TNS3: variants seen among roughly 807,000 people sequenced by gnomAD.
TNS3 encodes tensin 3.
TNS3 carries 45 observed loss-of-function variants against 140.9 expected under a neutral mutation model. That is an observed-to-expected ratio of 0.32 (90% CI 0.25 to 0.41). The LOEUF is 0.41. TNS3 is among the 10% of genes least tolerant of loss of function. The pLI is 1.00. For synonymous variants in TNS3, 815 were observed against 788.4 expected (o/e 1.03, Z -0.56); for missense variants, 1,716 against 1,906.7 (o/e 0.90, Z 1.86).
chr7:47,443,919 CCAAA>C (rs1313398737), intron 4 of TNS3, among the ~76,000 whole-genome samples: 1 of 151,964 alleles, frequency 6.6e-6, no homozygotes, highest in Non-Finnish European at 1.5e-5. Context: ...AGACTCTGTC[CCAAA>C]CAAATAAACA....
rs1434477191 is a variant in TNS3, at chr7:47,297,978, G to A, written c.3545-765C>T. On this transcript the variant is annotated intron_variant, in intron 23 of 30. Transcript: ENST00000311160. Reference sequence around the variant, plus strand: ...ATTTTTTGTATTTTTAGTAGAGATGGGGTTTCACCATGTTAGCCAGGATGG... The same window carrying A: ...ATTTTTTGTATTTTTAGTAGAGATGAGGTTTCACCATGTTAGCCAGGATGG... 2.0e-5 allele frequency among the ~76,000 whole-genome samples: 3 copies of A among 151,864 alleles called. No individual in the cohort carries two copies. The East Asian group carries it at 5.8e-4, about 29-fold the overall frequency.
intron 20 of TNS3, among the ~76,000 whole-genome samples, chr7:47,311,017 C>CG (rs1554291275): frequency 1.6e-3 from 242 of 151,726 alleles, no homozygotes; most frequent in African/African-American, 5.2e-3. Context: ...GTGAATAGTT[C>CG]GCAATAAGCA....
At chr7:47,289,245 T>C (rs563852381) in intron 27 of TNS3, among the ~76,000 whole-genome samples, 1 of 152,220 alleles carries the variant, frequency 6.6e-6, no homozygotes, top group African/African-American at 2.4e-5. Flanking sequence ...ACTCTGCAGA[T>C]ATGAGGTACA....
At chr7:47,475,533 C>CG (rs5884004) in intron 4 of TNS3, among the ~76,000 whole-genome samples, 31 of 151,252 alleles carry the variant, frequency 2.0e-4, no homozygotes, top group Middle Eastern at 3.4e-3. Context: ...GGCACTTCCC[C>CG]GGGGGGGGGG....
At chr7:47,539,602 C>G (rs1799726052) in intron 1 of TNS3, 1 of 167,014 alleles carries the variant, frequency 6.0e-6, no homozygotes, top group Non-Finnish European at 1.3e-5. Context: ...TTCCCATTCT[C>G]CTTTCTGGCT....
rs1411572972 is a variant in TNS3 at position 47,369,092 on chromosome 7, G to A, written c.1554C>T (p.Asn518=). 6.2e-7 allele frequency: 1 copy of A among 1,614,046 alleles called. No individual in the cohort carries two copies. Among genetic ancestry groups the A allele is most frequent in the African/African-American group, 1.3e-5 (1 of 74,956 alleles). The change falls in exon 17 of 31, where the codon AAC becomes AAT. Residue 518 remains asparagine, a synonymous_variant. Coordinates refer to ENST00000311160, the MANE Select transcript of TNS3 (RefSeq NM_022748.12). ...TGCCAAAACCGTCAGATAGGAGTGA[G>A]TTCTGGCTGCTCTTGTGGCAGGTGA... ...GPFTCHKSSQ[N]SLLSDGFGSN...
chr7:47,442,432 T>C (rs1795512637), intron 4 of TNS3, among the ~76,000 whole-genome samples: 1 of 152,214 alleles, frequency 6.6e-6, no homozygotes, highest in South Asian at 2.1e-4. Context: ...AAAGAACCAA[T>C]TAATGAGTGA....
intron 3 of TNS3, among the ~76,000 whole-genome samples, chr7:47,484,015 G>A (rs1371143432): frequency 6.6e-6 from 1 of 152,230 alleles, no homozygotes; most frequent in African/African-American, 2.4e-5. Context: ...CTGGGGAACA[G>A]TAGGGGGCGA....
chr7:47,385,428 C>T (rs1240723118), intron 16 of TNS3, among the ~76,000 whole-genome samples: 1 of 152,226 alleles, frequency 6.6e-6, no homozygotes, highest in Non-Finnish European at 1.5e-5. Context: ...GTCCTGGCCT[C>T]TGCACGGAGC....
At chr7:47,440,796 CT>C in intron 5 of TNS3, among the ~76,000 whole-genome samples, 1 of 152,222 alleles carries the variant, frequency 6.6e-6, no homozygotes, top group Non-Finnish European at 1.5e-5. Flanking sequence ...GGGACGTGTC[CT>C]TAAGTCCCTC....
intron 1 of TNS3, chr7:47,579,980 A>C: frequency 3.7e-6 from 1 of 267,558 alleles, no homozygotes; most frequent in Non-Finnish European, 5.7e-6. Flanking sequence ...CTTTCAAAAC[A>C]TTAGGTGCCA....
At chr7:47,363,209 CCAT>C (rs1245842646) in intron 17 of TNS3, among the ~76,000 whole-genome samples, 5 of 149,172 alleles carry the variant, frequency 3.4e-5, no homozygotes, top group African/African-American at 1.2e-4. Context: ...ATCATCACCA[CCAT>C]CAACATCACC....
chr7:47,346,706 C>T (rs1789366632), intron 17 of TNS3, among the ~76,000 whole-genome samples: 1 of 152,182 alleles, frequency 6.6e-6, no homozygotes, highest in South Asian at 2.1e-4. Flanking sequence ...GACGATGACC[C>T]AGCTGGGAAG....
At chr7:47,354,770 G>A (rs1206613651) in intron 17 of TNS3, among the ~76,000 whole-genome samples, 1 of 152,120 alleles carries the variant, frequency 6.6e-6, no homozygotes, top group Non-Finnish European at 1.5e-5. Context: ...GTGGAGGGAG[G>A]GACAGGCAGT....
intron 4 of TNS3, 28 bp downstream of exon 4, chr7:47,481,075 G>C: frequency 1.6e-6 from 2 of 1,289,268 alleles, no homozygotes; most frequent in Non-Finnish European, 2.0e-6. Context: ...GATGGAACAA[G>C]GGAGCCAAAG....
In TNS3 at chr7:47,411,160, AT is replaced by A. The variant is rs577252521; in HGVS notation, c.723+566del. ...CAGAAGTGAGTGGCCGAGTTAGGAC[AT>A]TAATTTCCAGGTTGTATATCTCGAG... On this transcript the variant is annotated intron_variant, in intron 13 of 30. Transcript: ENST00000311160. Among the ~76,000 whole-genome samples the A allele has an allele frequency of 6.4e-3, 980 of 152,358 alleles. 16 individuals are homozygous for A. The highest frequency in any genetic ancestry group is 0.022 in the African/African-American group (919 of 41,578).
chr7:47,400,664 G>A (rs540416219), intron 14 of TNS3, 121 bp downstream of exon 14: 2 of 1,494,838 alleles, frequency 1.3e-6, no homozygotes, highest in African/African-American at 2.8e-5. Context: ...TCCTACTTTG[G>A]GAACAATTTT....
intron 18 of TNS3, 40 bp downstream of exon 18, chr7:47,346,147 G>A: frequency 1.2e-6 from 2 of 1,605,756 alleles, no homozygotes; most frequent in Non-Finnish European, 1.7e-6. Flanking sequence ...GAAAGGGAGT[G>A]GAATGGGCCC....
intron 1 of TNS3, among the ~76,000 whole-genome samples, chr7:47,569,844 ACT>A (rs923260176): frequency 1.4e-5 from 2 of 139,216 alleles, no homozygotes; most frequent in African/African-American, 5.6e-5. Context: ...ACAGAACAAG[ACT>A]CTGTCTCAAT....
Sources: gnomAD v4.1 joint callset for allele counts (sites outside exome capture counted in the v4.1 genomes callset) on GRCh38, gnomAD v4.1.1 for gene constraint, MANE v1.5 for transcripts, NCBI Gene and HGNC (gene_info 2026-07-23, HGNC 2026-07-21) for gene names.